Variants in VPS13B observed in about 807,000 individuals in gnomAD.
VPS13B encodes the protein vacuolar protein sorting 13 homolog B, also known as intermembrane lipid transfer protein VPS13B.
A neutral mutation model predicts 426.4 loss-of-function variants in VPS13B; 285 were observed. That is an observed-to-expected ratio of 0.67 (90% CI 0.61 to 0.74). VPS13B has a LOEUF of 0.74. Ranked by LOEUF, VPS13B falls within the 30% of genes least tolerant of loss-of-function variation. The pLI, the probability that VPS13B is intolerant of heterozygous loss-of-function variation, is 0.00. For synonymous variants in VPS13B, 1,676 were observed against 1,676.4 expected, an observed-to-expected ratio of 1.00 and a Z score of 0.01; for missense variants, 4,537 against 4,782.6, an observed-to-expected ratio of 0.95 and a Z score of 1.51.
At chr8:99,668,073 A>C (rs1393898339) in intron 35 of VPS13B, among the ~76,000 whole-genome samples, 1 of 152,182 alleles carries the variant, frequency 6.6e-6, no homozygotes, top group African/African-American at 2.4e-5. Context: ...AGCTATTATT[A>C]TGTTTTAATC....
At chr8:99,768,196 G>A (rs536024068) in intron 40 of VPS13B, among the ~76,000 whole-genome samples, 43 of 152,142 alleles carry the variant, frequency 2.8e-4, no homozygotes, top group Non-Finnish European at 4.9e-4. Context: ...GATGCCCTAC[G>A]TGCCACTTCT....
In VPS13B at chr8:99,848,809, G is replaced by A. The variant is rs754882929; in HGVS notation, c.9976G>A (p.Val3326Met). ...VFLTGFGYVYVDVVHQCGTVF... is the reference protein window; with the variant it reads ...VFLTGFGYVYMDVVHQCGTVF... ...CCTGACTGGCTTTGGCTATGTGTATGTGGATGTTGTACATCAGTGTGGCAC... is the reference window on the plus strand; with the variant it reads ...CCTGACTGGCTTTGGCTATGTGTATATGGATGTTGTACATCAGTGTGGCAC... Residue 3326 changes from valine to methionine, a missense_variant, in exon 55 of 62, where the codon GTG becomes ATG. Around this residue, in one of 2 missense-constraint regions of VPS13B, gnomAD observed 4,311 missense variants for 4,474.3 expected, o/e 0.96. Coordinates refer to ENST00000357162, the MANE Select transcript of VPS13B (RefSeq NM_152564.5). 3 of 1,614,140 alleles carry A rather than the reference G, an allele frequency of 1.9e-6. No homozygotes were observed. In the Admixed American group the frequency reaches 5.0e-5, roughly 27 times the overall value.
intron 19 of VPS13B, among the ~76,000 whole-genome samples, chr8:99,305,899 A>G (rs1820611188): frequency 6.6e-6 from 1 of 152,096 alleles, no homozygotes; most frequent in Non-Finnish European, 1.5e-5. Context: ...GGTGTTAACT[A>G]TTTGGTCTTG....
chr8:99,869,240 C>T (rs987613907), intron 59 of VPS13B, among the ~76,000 whole-genome samples: 5 of 152,190 alleles, frequency 3.3e-5, no homozygotes, highest in African/African-American at 7.2e-5. Flanking sequence ...GTATCACAAA[C>T]GACAGAAGCG....
At chr8:99,819,090 A>G (rs958541900) in intron 47 of VPS13B, among the ~76,000 whole-genome samples, 2 of 152,170 alleles carry the variant, frequency 1.3e-5, no homozygotes, top group African/African-American at 4.8e-5. Flanking sequence ...CTGTAGTTTT[A>G]GATAAAAATC....
At chr8:99,849,675 C>A (rs1485989652) in intron 55 of VPS13B, among the ~76,000 whole-genome samples, 1 of 152,074 alleles carries the variant, frequency 6.6e-6, no homozygotes, top group East Asian at 1.9e-4. Context: ...AAGATATACA[C>A]AGAGAGATGT....
intron 17 of VPS13B, among the ~76,000 whole-genome samples, chr8:99,266,099 A>G (rs569831707): frequency 3.3e-5 from 5 of 152,280 alleles, no homozygotes; most frequent in Non-Finnish European, 7.4e-5. Context: ...TATGTACATC[A>G]TAACTACAGA....
chr8:99,388,317 A>T (rs1814239108), intron 20 of VPS13B, among the ~76,000 whole-genome samples: 4 of 152,158 alleles, frequency 2.6e-5, no homozygotes, highest in African/African-American at 7.2e-5. Context: ...ATATTTTTTT[A>T]AAAAAGCAAA....
intron 35 of VPS13B, among the ~76,000 whole-genome samples, chr8:99,681,016 A>G (rs1831133811): frequency 6.6e-6 from 1 of 152,202 alleles, no homozygotes; most frequent in African/African-American, 2.4e-5. Context: ...AAAATACCAG[A>G]CACTATTTTT....
chr8:99,839,994 T>C (rs1300719803), intron 54 of VPS13B, among the ~76,000 whole-genome samples: 1 of 152,356 alleles, frequency 6.6e-6, no homozygotes, highest in Admixed American at 6.5e-5. Context: ...TCCTAAGTGT[T>C]CCCTTATCCA....
rs184344432 is a variant in VPS13B, at chr8:99,674,256, A to G, written c.6046+12765A>G. 1.5e-4 allele frequency among the ~76,000 whole-genome samples: 23 copies of G among 152,114 alleles called. No individual in the cohort carries two copies. In the East Asian group the frequency reaches 4.2e-3, roughly 28 times the overall value. On this transcript the variant is annotated intron_variant, in intron 35 of 61. Transcript: ENST00000357162. ...AGATCTAGTAATATTTGCTTTATAT[A>G]TTTAGATGCTGCAGTGTTAGGTACC...
chr8:99,805,644 G>A (rs1019957784), intron 43 of VPS13B, among the ~76,000 whole-genome samples: 3 of 152,120 alleles, frequency 2.0e-5, no homozygotes, highest in African/African-American at 7.2e-5. Flanking sequence ...TCTTCAATGG[G>A]AAAACTATGA....
intron 25 of VPS13B, among the ~76,000 whole-genome samples, chr8:99,490,546 T>A (rs1440236721): frequency 6.6e-6 from 1 of 152,182 alleles, no homozygotes; most frequent in East Asian, 1.9e-4. Context: ...TTTTTTTGGT[T>A]GGTAGGCTAT....
At chr8:99,137,446 A>G (rs1178112804) in intron 12 of VPS13B, among the ~76,000 whole-genome samples, 2 of 152,050 alleles carry the variant, frequency 1.3e-5, no homozygotes, top group African/African-American at 2.4e-5. Context: ...CAAAGAGCCA[A>G]TAGGTGGTGT....
At chr8:99,270,938 GA>G (rs1818560109) in intron 17 of VPS13B, among the ~76,000 whole-genome samples, 1 of 152,212 alleles carries the variant, frequency 6.6e-6, no homozygotes, top group East Asian at 1.9e-4. Flanking sequence ...TTGTTATAAA[GA>G]AAAATGAGAT....
At chr8:99,147,293 G>A (rs1810790195) in intron 13 of VPS13B, among the ~76,000 whole-genome samples, 1 of 152,072 alleles carries the variant, frequency 6.6e-6, no homozygotes, top group African/African-American at 2.4e-5. Flanking sequence ...TGCATTTTTA[G>A]TACAGATGGG....
At position 99,424,166 on chromosome 8, in the gene VPS13B, C is replaced by T. The variant is rs538664308; in HGVS notation, c.3083-7371C>T. 6 of 152,114 alleles carry T rather than the reference C, an allele frequency of 3.9e-5. No homozygotes were observed. The East Asian group carries it at 1.2e-3, about 29-fold the overall frequency. 9.4% of individuals were successfully genotyped at this position (152,114 alleles called of 1,614,324 possible). A position where few individuals can be genotyped will look rare whatever the true frequency, so the allele number is the denominator to read the frequency against. On this transcript the variant is annotated intron_variant, in intron 21 of 61. Transcript: ENST00000357162. ...TGATCCCTTTACCATTATGTAATGGCCTTCTTTGTCTCTTTTGATCTTTGT... is the reference window on the plus strand; with the variant it reads ...TGATCCCTTTACCATTATGTAATGGTCTTCTTTGTCTCTTTTGATCTTTGT...
At chr8:99,784,039 G>A (rs899021986) in intron 42 of VPS13B, among the ~76,000 whole-genome samples, 1 of 152,186 alleles carries the variant, frequency 6.6e-6, no homozygotes, top group Non-Finnish European at 1.5e-5. Context: ...AATGTTAAAA[G>A]TTTGAGGGAT....
At chr8:99,332,059 T>C (rs1810573945) in intron 19 of VPS13B, among the ~76,000 whole-genome samples, 1 of 151,756 alleles carries the variant, frequency 6.6e-6, no homozygotes, top group South Asian at 2.1e-4. Flanking sequence ...AAACGTAGAA[T>C]AGAGCTTTGT....
Sources: allele counts gnomAD v4.1 joint callset (sites outside exome capture counted in the v4.1 genomes callset), GRCh38; gene constraint gnomAD v4.1.1; regional missense constraint gnomAD v4.1.1; transcripts MANE v1.5; gene names NCBI Gene and HGNC (gene_info 2026-07-23, HGNC 2026-07-21).